SMG7: variants seen among roughly 807,000 people sequenced by gnomAD.
The protein encoded by SMG7 is nonsense-mediated mRNA decay factor SMG7.
SMG7 carries 34 observed loss-of-function variants against 148.2 expected under a neutral mutation model. The ratio of observed to expected loss-of-function variants is 0.23; its 90% CI spans 0.17 to 0.31. The LOEUF (loss-of-function observed/expected upper bound fraction) is 0.31. Among genes scored for constraint, SMG7 ranks in the 10% least tolerant of loss-of-function variants. The probability of loss-of-function intolerance (pLI) is 1.00; values close to 1 mark genes in which losing one functional copy is unlikely to be tolerated. For synonymous variants in SMG7, 492 were observed against 515.1 expected (o/e 0.96, Z 0.61); for missense variants, 1,114 against 1,408.4 (o/e 0.79, Z 3.35).
intron 18 of SMG7, among the ~76,000 whole-genome samples, chr1:183,547,940 G>T (rs1558067493): frequency 1.3e-5 from 2 of 152,130 alleles, no homozygotes; most frequent in Non-Finnish European, 2.9e-5. Context: ...TTTACTGTGG[G>T]TGGGGAGTAT....
chr1:183,548,480 T>A (rs538561729), intron 18 of SMG7, among the ~76,000 whole-genome samples: 1 of 152,238 alleles, frequency 6.6e-6, no homozygotes, highest in Non-Finnish European at 1.5e-5. Flanking sequence ...GTAGAACAAG[T>A]GGGAGTATTT....
At chr1:183,528,100 G>C in intron 6 of SMG7, 73 bp downstream of exon 6, 2 of 1,127,272 alleles carry the variant, frequency 1.8e-6, no homozygotes, top group Non-Finnish European at 2.6e-6. Context: ...ATAACTCAGG[G>C]CTCACCTTTG....
chr1:183,552,096 G>A lies in SMG7; in HGVS notation c.*165G>A, dbSNP rs998829004. On this transcript the variant is annotated 3_prime_UTR_variant, in exon 23 of 23. Transcript: ENST00000688051. ...CCCGCTGAGTGTGCACGAAATGTTC[G>A]CAGTGCAACAAAAAGAAAAATCCAT... 1.4e-5 allele frequency: 19 copies of A among 1,311,224 alleles called. No homozygotes were observed. The highest frequency in any genetic ancestry group is 1.8e-5 in the Non-Finnish European group (18 of 1,019,144). The allele number at this position is 1,311,224 out of a possible 1,614,324, so 81.2% of individuals were successfully genotyped here.
At chr1:183,506,897 G>A (rs1288001856) in intron 1 of SMG7, among the ~76,000 whole-genome samples, 3 of 95,480 alleles carry the variant, frequency 3.1e-5, no homozygotes, top group Non-Finnish European at 6.6e-5. Context: ...TTTTTTTTTG[G>A]AGACGGAGTC....
At chr1:183,514,216 C>CAAA (rs36125833) in intron 2 of SMG7, among the ~76,000 whole-genome samples, 4,771 of 99,028 alleles carry the variant, frequency 0.048, 104 homozygotes, top group South Asian at 0.12. Context: ...GTGAAATTCA[C>CAAA]AAAAAAAAAA....
At chr1:183,541,169 C>CGT in intron 13 of SMG7, 66 bp downstream of exon 13, 8 of 1,341,070 alleles carry the variant, frequency 6.0e-6, no homozygotes, top group Non-Finnish European at 8.4e-6. Context: ...TGCGCGCACA[C>CGT]GCGCGCGCAC....
intron 8 of SMG7, among the ~76,000 whole-genome samples, chr1:183,530,516 G>A (rs1401786962): frequency 6.6e-6 from 1 of 152,108 alleles, no homozygotes; most frequent in East Asian, 1.9e-4. Context: ...TGTGTGAAAG[G>A]AACAGCTAAC....
chr1:183,528,149 A>G, intron 6 of SMG7, 122 bp downstream of exon 6: 1 of 568,286 alleles, frequency 1.8e-6, no homozygotes. Context: ...TGTTATTGTC[A>G]TGTTTTTCCA....
Position 183,553,164 on chromosome 1 carries a change from G to T in SMG7, c.*1233G>T. On this transcript the variant is annotated 3_prime_UTR_variant, in exon 23 of 23. Coordinates refer to ENST00000688051, the MANE Select transcript of SMG7 (RefSeq NM_001375584.1). ...CATCAGGCACAGAAGAAAACACGAC[G>T]TCGTCCATTTTGGAAGAGACGAAAG... 6.5e-7 allele frequency: 1 copy of T among 1,536,458 alleles called. No individual in the cohort carries two copies. The highest frequency in any genetic ancestry group is 8.7e-7 in the Non-Finnish European group (1 of 1,146,922).
chr1:183,528,931 A>G lies in SMG7; in HGVS notation c.596A>G (p.Lys199Arg), dbSNP rs769471064. ...CAGTTGGCTATCTTAGCTTCTTCCA[A>G]AGGAGACCATCTGACCACAATTTTC... ...YNQLAILASS[K>R]GDHLTTIFYY... Residue 199 changes from lysine (K) to arginine (R), a missense_variant, in exon 7 of 23, where the codon AAA (lysine) becomes AGA (arginine). Lys to Arg is a conservative substitution (Grantham distance 26, BLOSUM62 2). Coordinates refer to ENST00000688051, the MANE Select transcript of SMG7 (RefSeq NM_001375584.1). 10 of 1,613,392 alleles carry G rather than the reference A, an allele frequency of 6.2e-6. No individual in the cohort carries two copies. The highest frequency in any genetic ancestry group is 3.3e-5 in the Admixed American group (2 of 59,960).
chr1:183,552,816 T>C lies in SMG7; in HGVS notation c.*885T>C. 7.0e-7 allele frequency: 1 copy of C among 1,426,380 alleles called. No homozygotes were observed. The highest frequency in any genetic ancestry group is 9.1e-7 in the Non-Finnish European group (1 of 1,094,312). 88.4% of individuals were successfully genotyped at this position (1,426,380 alleles called of 1,614,324 possible). Reference sequence around the variant, plus strand: ...CCATTCACAGCCTGACACGTTCTAATAGGTAGAAGCTTTCAGTGTGGTTAT... The same window carrying C: ...CCATTCACAGCCTGACACGTTCTAACAGGTAGAAGCTTTCAGTGTGGTTAT... On this transcript the variant is annotated 3_prime_UTR_variant, in exon 23 of 23. Coordinates refer to ENST00000688051, the MANE Select transcript of SMG7 (RefSeq NM_001375584.1).
intron 16 of SMG7, among the ~76,000 whole-genome samples, chr1:183,545,585 A>G (rs950798115): frequency 1.9e-4 from 29 of 152,158 alleles, no homozygotes; most frequent in Non-Finnish European, 3.5e-4. Flanking sequence ...TAATTCTCCT[A>G]TAGGAACATA....
chr1:183,504,931 C>T (rs182785830), intron 1 of SMG7, among the ~76,000 whole-genome samples: 109 of 152,270 alleles, frequency 7.2e-4, no homozygotes, highest in South Asian at 1.5e-3. Flanking sequence ...CAAGGCCAGT[C>T]CTCTTCCTGT....
intron 1 of SMG7, among the ~76,000 whole-genome samples, chr1:183,505,051 A>G (rs1287725610): frequency 2.7e-5 from 4 of 150,564 alleles, no homozygotes; most frequent in African/African-American, 4.9e-5. Context: ...TCTTCAACCT[A>G]TTCATTTCTT....
intron 10 of SMG7, among the ~76,000 whole-genome samples, chr1:183,535,907 A>G (rs905241507): frequency 6.6e-6 from 1 of 152,066 alleles, no homozygotes; most frequent in South Asian, 2.1e-4. Context: ...AATCTGTTAC[A>G]TCTCCAAAGG....
intron 17 of SMG7, 119 bp from the exon 18 acceptor site, chr1:183,546,984 T>C: frequency 1.0e-6 from 1 of 962,082 alleles, no homozygotes; most frequent in East Asian, 2.7e-5. Context: ...CTTTGCCTAA[T>C]ACCATCTATC....
chr1:183,536,916 A>C (rs573922744), intron 10 of SMG7, among the ~76,000 whole-genome samples: 8 of 152,296 alleles, frequency 5.3e-5, no homozygotes, highest in African/African-American at 1.9e-4. Flanking sequence ...GAAATGATCT[A>C]CAGTGGTAGT....
intron 1 of SMG7, among the ~76,000 whole-genome samples, chr1:183,489,983 C>T (rs1364049872): frequency 6.6e-6 from 1 of 152,146 alleles, no homozygotes; most frequent in Non-Finnish European, 1.5e-5. Flanking sequence ...ATTTTTGAGC[C>T]CCATCTCAGA....
chr1:183,477,617 T>C (rs1175477360), intron 1 of SMG7, among the ~76,000 whole-genome samples: 4 of 129,302 alleles, frequency 3.1e-5, no homozygotes, highest in African/African-American at 1.2e-4. Flanking sequence ...CATATATACG[T>C]GTGTGCATAT....
Sources: gnomAD v4.1 joint callset for allele counts (sites outside exome capture counted in the v4.1 genomes callset) on GRCh38, gnomAD v4.1.1 for gene constraint, MANE v1.5 for transcripts, NCBI Gene and HGNC (gene_info 2026-07-23, HGNC 2026-07-21) for gene names.